Variants in CSMD3 observed in about 807,000 individuals in gnomAD.
CSMD3 encodes the protein CUB and sushi domain-containing protein 3.
A neutral mutation model predicts 435.2 loss-of-function variants in CSMD3; 177 were observed. The ratio of observed to expected loss-of-function variants is 0.41; its 90% confidence interval spans 0.36 to 0.46. The LOEUF (loss-of-function observed/expected upper bound fraction) is 0.46, where lower values mean the gene tolerates loss of function less well. CSMD3 is among the 20% of genes least tolerant of loss of function. CSMD3 has a pLI of 0.34. For missense variants in CSMD3, 4,265 were observed against 4,504.6 expected (o/e 0.95, Z 1.52); for synonymous variants, 1,656 against 1,520.5 (o/e 1.09, Z -2.07).
At chr8:113,274,616 A>G (rs1277758499) in intron 3 of CSMD3, among the ~76,000 whole-genome samples, 2 of 152,052 alleles carry the variant, frequency 1.3e-5, no homozygotes, top group African/African-American at 2.4e-5. Context: ...AATAAGTAGA[A>G]CTTCTCCTAC....
intron 45 of CSMD3, among the ~76,000 whole-genome samples, chr8:112,322,371 C>T (rs1473791671): frequency 6.6e-6 from 1 of 151,958 alleles, no homozygotes; most frequent in Non-Finnish European, 1.5e-5. Flanking sequence ...TCCAAGACAA[C>T]ATGGGTGCTG....
At chr8:113,413,328 T>C (rs2094567628) in intron 1 of CSMD3, among the ~76,000 whole-genome samples, 1 of 152,172 alleles carries the variant, frequency 6.6e-6, no homozygotes, top group Non-Finnish European at 1.5e-5. Context: ...GATTTCATTC[T>C]ATACAAATAA....
chr8:113,323,829 T>A (rs1415044837), intron 1 of CSMD3, among the ~76,000 whole-genome samples: 1 of 152,220 alleles, frequency 6.6e-6, no homozygotes, highest in Non-Finnish European at 1.5e-5. Flanking sequence ...GGTACATTTT[T>A]ATATTGTAAA....
At chr8:112,942,219 A>T (rs1257845200) in intron 9 of CSMD3, among the ~76,000 whole-genome samples, 1 of 124,292 alleles carries the variant, frequency 8.0e-6, no homozygotes, top group African/African-American at 3.2e-5. Context: ...AATTGTTGGT[A>T]AACCCATGTT....
chr8:112,971,608 A>C (rs896883608), intron 7 of CSMD3, among the ~76,000 whole-genome samples: 8 of 152,174 alleles, frequency 5.3e-5, no homozygotes, highest in African/African-American at 9.6e-5. Flanking sequence ...TTTGACCTGA[A>C]CAAACTCTCA....
intron 10 of CSMD3, among the ~76,000 whole-genome samples, chr8:112,874,620 T>C (rs2081228913): frequency 6.6e-6 from 1 of 152,226 alleles, no homozygotes; most frequent in Non-Finnish European, 1.5e-5. Context: ...GATAGTCAGC[T>C]CTTCCTGTTA....
intron 1 of CSMD3, among the ~76,000 whole-genome samples, chr8:113,411,159 C>T (rs904877258): frequency 2.6e-5 from 4 of 151,914 alleles, no homozygotes; most frequent in Admixed American, 6.6e-5. Flanking sequence ...AACAGTTACA[C>T]GTGTAATCAT....
chr8:113,329,758 T>C (rs1268280966), intron 1 of CSMD3, among the ~76,000 whole-genome samples: 1 of 151,754 alleles, frequency 6.6e-6, no homozygotes, highest in Non-Finnish European at 1.5e-5. Context: ...ATATAAAAGA[T>C]TAACAATGAT....
At chr8:113,257,989 A>C (rs1289959389) in intron 3 of CSMD3, among the ~76,000 whole-genome samples, 1 of 152,234 alleles carries the variant, frequency 6.6e-6, no homozygotes, top group Non-Finnish European at 1.5e-5. Flanking sequence ...AGCTGGAAAA[A>C]AAGGTCAACT....
intron 27 of CSMD3, among the ~76,000 whole-genome samples, chr8:112,538,564 T>C (rs1033585034): frequency 2.2e-4 from 34 of 151,636 alleles, no homozygotes; most frequent in African/African-American, 6.1e-4. Flanking sequence ...TAACAAACCA[T>C]CTGAAAAAAA....
intron 4 of CSMD3, among the ~76,000 whole-genome samples, chr8:113,168,795 ATTAT>A (rs1393187093): frequency 6.6e-6 from 1 of 152,066 alleles, no homozygotes. Context: ...AACCTTATCT[ATTAT>A]TTATTTAGTA....
chr8:112,510,198 T>C (rs533400724), intron 28 of CSMD3, among the ~76,000 whole-genome samples: 161 of 152,338 alleles, frequency 1.1e-3, no homozygotes, highest in Non-Finnish European at 4.0e-4. Flanking sequence ...CAATTGATAA[T>C]TGAAACGATT....
intron 13 of CSMD3, among the ~76,000 whole-genome samples, chr8:112,700,943 A>G (rs1382412450): frequency 1.3e-5 from 2 of 152,114 alleles, no homozygotes; most frequent in African/African-American, 4.8e-5. Context: ...CTAAAGCACA[A>G]CTGGTCCACA....
rs1477540726 is a variant in CSMD3, at chr8:113,284,786, T to C, written c.402-6082A>G. Reference sequence around the variant, plus strand: ...TTTGTAAAATTTAGTTTTTTGCATATATTGCTCGTTACTACATTATCAGTT... The same window carrying C: ...TTTGTAAAATTTAGTTTTTTGCATACATTGCTCGTTACTACATTATCAGTT... On this transcript the variant is annotated intron_variant, in intron 2 of 70. Transcript: ENST00000297405. Among the ~76,000 whole-genome samples the C allele has an allele frequency of 2.0e-5, 3 of 152,212 alleles. No homozygotes were observed. The East Asian group carries it at 5.8e-4, about 29-fold the overall frequency.
chr8:112,585,498 C>T (rs1019209747), intron 23 of CSMD3, among the ~76,000 whole-genome samples: 2 of 151,196 alleles, frequency 1.3e-5, no homozygotes, highest in African/African-American at 4.8e-5. Context: ...CTCAAGGTAG[C>T]ACATATCAGA....
At chr8:113,320,805 G>A (rs556776543) in intron 1 of CSMD3, among the ~76,000 whole-genome samples, 1 of 152,088 alleles carries the variant, frequency 6.6e-6, no homozygotes, top group South Asian at 2.1e-4. Flanking sequence ...CTATTTTGCA[G>A]GCTTCTTAGC....
chr8:112,463,078 C>T lies in CSMD3; in HGVS notation c.5395+9513G>A, dbSNP rs542320536. Among the ~76,000 whole-genome samples, 4 of 152,296 alleles carry T rather than the reference C, an allele frequency of 2.6e-5. No homozygotes were observed. The East Asian group carries it at 5.8e-4, about 22-fold the overall frequency. ...ATCAGTCTTGAAATCCAAACCAGGG[C>T]TGGGCGCAGTGGCTCCCACCTGTAA... On this transcript the variant is annotated intron_variant, in intron 32 of 70. Coordinates refer to ENST00000297405, the MANE Select transcript of CSMD3 (RefSeq NM_198123.2).
At chr8:113,184,191 G>A (rs1454001333) in intron 3 of CSMD3, among the ~76,000 whole-genome samples, 1 of 151,968 alleles carries the variant, frequency 6.6e-6, no homozygotes, top group Non-Finnish European at 1.5e-5. Flanking sequence ...TATGGAAAGG[G>A]TTACAGAGCT....
chr8:113,269,637 G>T (rs1349795284), intron 3 of CSMD3, among the ~76,000 whole-genome samples: 1 of 151,818 alleles, frequency 6.6e-6, no homozygotes, highest in Admixed American at 6.6e-5. Context: ...ACAGAACAGA[G>T]CCCTCAGAAA....
Sources: gnomAD v4.1 joint callset for allele counts (sites outside exome capture counted in the v4.1 genomes callset) on GRCh38, gnomAD v4.1.1 for gene constraint, MANE v1.5 for transcripts, NCBI Gene and HGNC (gene_info 2026-07-23, HGNC 2026-07-21) for gene names.